The following HS3ST4 variants were observed in gnomAD, a reference collection of about 807,000 sequenced individuals.
The protein encoded by HS3ST4 is heparan sulfate-glucosamine 3-sulfotransferase 4.
HS3ST4 carries 17 observed loss-of-function variants against 29.2 expected under a neutral mutation model. The observed-to-expected ratio is 0.58, with a 90% CI of 0.40 to 0.87. The LOEUF (loss-of-function observed/expected upper bound fraction) is 0.87, where lower values mean the gene tolerates loss of function less well. Ranked by LOEUF, HS3ST4 falls within the 40% of genes least tolerant of loss-of-function variation. The probability of loss-of-function intolerance (pLI) is 0.00; values close to 1 mark genes in which losing one functional copy is unlikely to be tolerated. For synonymous variants in HS3ST4, 314 were observed against 285.7 expected (o/e 1.10, Z -1.00); for missense variants, 627 against 634.5 (o/e 0.99, Z 0.13).
chr16:25,875,149 C>T (rs966002240), intron 1 of HS3ST4, among the ~76,000 whole-genome samples: 1 of 152,150 alleles, frequency 6.6e-6, no homozygotes, highest in Non-Finnish European at 1.5e-5. Flanking sequence ...TAATTAACAG[C>T]TGAACAACCA....
intron 1 of HS3ST4, among the ~76,000 whole-genome samples, chr16:25,724,804 T>A (rs1027720804): frequency 6.6e-6 from 1 of 152,204 alleles, no homozygotes; most frequent in Non-Finnish European, 1.5e-5. Flanking sequence ...TCGTTGTGAA[T>A]TAAAACAATG....
chr16:25,788,653 A>T (rs1392393538), intron 1 of HS3ST4, among the ~76,000 whole-genome samples: 1 of 138,116 alleles, frequency 7.2e-6, no homozygotes, highest in Non-Finnish European at 1.5e-5. Flanking sequence ...CTATCCTCCC[A>T]CCTTTGCCTC....
intron 1 of HS3ST4, among the ~76,000 whole-genome samples, chr16:25,731,531 G>C (rs1401938513): frequency 1.3e-5 from 2 of 151,958 alleles, no homozygotes; most frequent in Non-Finnish European, 2.9e-5. Context: ...TTAAGAGATG[G>C]AGTCTTGCTA....
intron 1 of HS3ST4, among the ~76,000 whole-genome samples, chr16:25,868,967 G>A (rs1198293233): frequency 6.6e-6 from 1 of 152,148 alleles, no homozygotes; most frequent in Non-Finnish European, 1.5e-5. Context: ...GTATATGTGT[G>A]TCTGTGTGCA....
intron 1 of HS3ST4, among the ~76,000 whole-genome samples, chr16:26,122,842 G>A (rs1397615842): frequency 1.3e-5 from 2 of 152,044 alleles, no homozygotes; most frequent in East Asian, 1.9e-4. Flanking sequence ...ATCACCTGAG[G>A]TCAGGAGTTT....
intron 1 of HS3ST4, among the ~76,000 whole-genome samples, chr16:26,085,890 A>AATAATT (rs1183942977): frequency 1.8e-4 from 8 of 44,792 alleles, no homozygotes; most frequent in African/African-American, 5.4e-4. Context: ...TAATAATAAT[A>AATAATT]ATAATAATAA....
chr16:26,007,940 T>G (rs1310294753), intron 1 of HS3ST4, among the ~76,000 whole-genome samples: 11 of 151,436 alleles, frequency 7.3e-5, no homozygotes, highest in Non-Finnish European at 1.5e-4. Flanking sequence ...AAGCAGGAAT[T>G]CGGTACATGC....
intron 1 of HS3ST4, among the ~76,000 whole-genome samples, chr16:26,024,460 A>C (rs373567201): frequency 6.6e-6 from 1 of 151,956 alleles, no homozygotes; most frequent in Non-Finnish European, 1.5e-5. Context: ...GGCTGGGCGC[A>C]GTAGCTTACA....
intron 1 of HS3ST4, among the ~76,000 whole-genome samples, chr16:25,694,330 A>G (rs1031944938): frequency 6.6e-6 from 1 of 152,376 alleles, no homozygotes; most frequent in Admixed American, 6.5e-5. Context: ...GAAGAAATAC[A>G]TAATAAATGT....
intron 1 of HS3ST4, among the ~76,000 whole-genome samples, chr16:25,815,118 C>A (rs1434836824): frequency 6.6e-6 from 1 of 152,188 alleles, no homozygotes; most frequent in African/African-American, 2.4e-5. Flanking sequence ...TAGTCTGTTT[C>A]ACTGCTTTGG....
At chr16:26,119,455 G>C (rs576301331) in intron 1 of HS3ST4, among the ~76,000 whole-genome samples, 1 of 152,186 alleles carries the variant, frequency 6.6e-6, no homozygotes, top group Non-Finnish European at 1.5e-5. Context: ...TGCAGGGTGC[G>C]TAAGGAAACA....
intron 1 of HS3ST4, among the ~76,000 whole-genome samples, chr16:25,994,010 T>A (rs1446409152): frequency 2.2e-5 from 2 of 91,072 alleles, no homozygotes; most frequent in South Asian, 3.2e-4. Flanking sequence ...GTGTGTGTGG[T>A]GGAGAGAGAG....
rs1175361932 is a variant in HS3ST4, at chr16:26,137,107, G to A, written c.*859G>A. The A allele has an allele frequency of 1.3e-5, 2 of 152,124 alleles. No homozygotes were observed. The highest frequency in any genetic ancestry group is 2.9e-5 in the Non-Finnish European group (2 of 68,104). The allele number at this position is 152,124 out of a possible 1,614,324, so 9.4% of individuals were successfully genotyped here. On this transcript the variant is annotated 3_prime_UTR_variant, in exon 2 of 2. Transcript: ENST00000331351. ...TTGGCAGAGATGAGTGGCCATATCT[G>A]GGGGTAAAAGAAGAAATCCTGTCCT...
At chr16:25,782,625 A>G (rs1225082406) in intron 1 of HS3ST4, among the ~76,000 whole-genome samples, 1 of 152,202 alleles carries the variant, frequency 6.6e-6, no homozygotes, top group Non-Finnish European at 1.5e-5. Context: ...AAACCTGATT[A>G]AGGCAGTTCT....
chr16:25,757,597 A>G (rs1966765358), intron 1 of HS3ST4, among the ~76,000 whole-genome samples: 1 of 148,970 alleles, frequency 6.7e-6, no homozygotes, highest in Admixed American at 6.7e-5. Context: ...TATATAATAT[A>G]TATAATAGAG....
intron 1 of HS3ST4, chr16:26,032,925 C>T (rs549299559): frequency 3.5e-5 from 29 of 830,488 alleles, no homozygotes; most frequent in South Asian, 1.6e-4. Context: ...GCTCCGGAGG[C>T]GTGTTTTAAG....
intron 1 of HS3ST4, among the ~76,000 whole-genome samples, chr16:26,135,263 G>T (rs1898266174): frequency 6.6e-6 from 1 of 152,096 alleles, no homozygotes; most frequent in South Asian, 2.1e-4. Flanking sequence ...TTATACTACA[G>T]TGTGAAGTCA....
intron 1 of HS3ST4, among the ~76,000 whole-genome samples, chr16:25,727,794 G>C (rs752042434): frequency 2.6e-5 from 4 of 152,112 alleles, no homozygotes; most frequent in Non-Finnish European, 5.9e-5. Flanking sequence ...AGCTTCTAGG[G>C]TTGCTGATCA....
rs11639722 is a variant in HS3ST4, at chr16:26,074,461, G to A, written c.735-61151G>A. On this transcript the variant is annotated intron_variant, in intron 1 of 1. Transcript: ENST00000331351. Reference sequence around the variant, plus strand: ...TGATAAAGAGATGTGAAGGGCCAATGCCACTTCCATCTATCCATCCTTCTT... The same window carrying A: ...TGATAAAGAGATGTGAAGGGCCAATACCACTTCCATCTATCCATCCTTCTT... Among the ~76,000 whole-genome samples the A allele has an allele frequency of 5.0e-3, 760 of 152,284 alleles. 5 individuals carry two copies. The highest frequency in any genetic ancestry group is 7.9e-3 in the Non-Finnish European group (540 of 68,020).
Sources: gnomAD v4.1 joint callset for allele counts (sites outside exome capture counted in the v4.1 genomes callset) on GRCh38, gnomAD v4.1.1 for gene constraint, MANE v1.5 for transcripts, NCBI Gene and HGNC (gene_info 2026-07-23, HGNC 2026-07-21) for gene names.